The following JADE2 variants were observed in gnomAD, a reference collection of about 807,000 sequenced individuals.
JADE2 encodes the protein E3 ubiquitin-protein ligase Jade-2.
In JADE2, 13 loss-of-function variants were observed where a neutral mutation model predicts 85.7. That is an observed-to-expected ratio of 0.15 (90% CI 0.10 to 0.24). The LOEUF (loss-of-function observed/expected upper bound fraction) is 0.24, where lower values mean the gene tolerates loss of function less well. JADE2 is among the 10% of genes least tolerant of loss of function. The pLI is 1.00. For missense variants in JADE2, 846 were observed against 1,115.9 expected, an observed-to-expected ratio of 0.76 and a Z score of 3.45; for synonymous variants, 440 against 456.1, an observed-to-expected ratio of 0.96 and a Z score of 0.45.
intron 4 of JADE2, among the ~76,000 whole-genome samples, chr5:134,557,509 T>C (rs1763053704): frequency 8.1e-6 from 1 of 123,888 alleles, no homozygotes; most frequent in African/African-American, 3.0e-5. Context: ...TAGGTATATC[T>C]CCCAATGCTA....
intron 9 of JADE2, among the ~76,000 whole-genome samples, chr5:134,567,353 C>A (rs1222663258): frequency 6.6e-6 from 1 of 152,158 alleles, no homozygotes; most frequent in Non-Finnish European, 1.5e-5. Context: ...TGGCTGAAAA[C>A]CACCCCCAGC....
chr5:134,561,739 C>T (rs986280714), intron 6 of JADE2, among the ~76,000 whole-genome samples: 1 of 152,316 alleles, frequency 6.6e-6, no homozygotes, highest in African/African-American at 2.4e-5. Context: ...CCCTTATACC[C>T]AGCAGCTCTT....
intron 3 of JADE2, among the ~76,000 whole-genome samples, chr5:134,542,996 G>C (rs1762063847): frequency 6.6e-6 from 1 of 151,666 alleles, no homozygotes. Context: ...GGAAGTGCTG[G>C]GATTACAGGC....
Position 134,578,303 on chromosome 5 carries a change from C to T in JADE2, c.1682-191C>T, listed in dbSNP as rs867195047. Among the ~76,000 whole-genome samples, 2 of 152,164 alleles carry T rather than the reference C, an allele frequency of 1.3e-5. No homozygotes were observed. The highest frequency in any genetic ancestry group is 4.8e-5 in the African/African-American group (2 of 41,448). On this transcript the variant is annotated intron_variant, in intron 11 of 11. Coordinates refer to ENST00000681547, the MANE Select transcript of JADE2 (RefSeq NM_001388185.1). This position sits in a 1 kb window ranked among gnomAD's most constrained non-coding sequence, Gnocchi z 4.4. ...GGCAGCACGTCCTTCTGGAGAGAAG[C>T]GTATAAGTAGTCCCTACTCTTTGGT... is the stretch of plus-strand genomic sequence containing the variant.
At chr5:134,545,579 G>T (rs1217549457) in intron 3 of JADE2, among the ~76,000 whole-genome samples, 3 of 152,078 alleles carry the variant, frequency 2.0e-5, no homozygotes, top group Non-Finnish European at 4.4e-5. Context: ...GCCCAGAAAA[G>T]ATTTTTTAAA....
chr5:134,549,949 C>A (rs895163685), intron 3 of JADE2, among the ~76,000 whole-genome samples: 1 of 152,208 alleles, frequency 6.6e-6, no homozygotes, highest in Non-Finnish European at 1.5e-5. Context: ...GGGAAATAAC[C>A]CAGCCCCAGC....
chr5:134,546,098 G>GATTC (rs577759322), intron 3 of JADE2, among the ~76,000 whole-genome samples: 7 of 152,262 alleles, frequency 4.6e-5, no homozygotes, highest in Admixed American at 1.3e-4. Context: ...CAAATCCTGG[G>GATTC]ATTCATTCAT....
chr5:134,541,627 G>A (rs1761966955), intron 3 of JADE2, among the ~76,000 whole-genome samples: 4 of 152,210 alleles, frequency 2.6e-5, no homozygotes, highest in Admixed American at 1.3e-4. Context: ...TGTGTGTGCT[G>A]TGGAAAGCCC....
chr5:134,579,384 G>A lies in JADE2; in HGVS notation c.*67G>A. On this transcript the variant is annotated 3_prime_UTR_variant, in exon 12 of 12. Transcript: ENST00000681547. The surrounding 1 kb of genome is among the most constrained non-coding windows in gnomAD (Gnocchi z 4.6). ...ACAAGGCCTCAGCCCAGTCACAACT[G>A]CCATTTCCAGTCTCTGCTGAGTGTC... The A allele has an allele frequency of 1.6e-6, 2 of 1,264,738 alleles. No individual in the cohort carries two copies. The highest frequency in any genetic ancestry group is 2.2e-6 in the Non-Finnish European group (2 of 929,904). The allele number at this position is 1,264,738 out of a possible 1,614,324, so 78.3% of individuals were successfully genotyped here.
rs1391024640 is a variant in JADE2, at chr5:134,578,827, C to A, written c.2015C>A (p.Thr672Asn). The part of the protein sequence containing the change: ...RTTPDKAPKK[T>N]WGQDAGSGKG... ...ACTCCAGACAAAGCCCCCAAGAAGA[C>A]CTGGGGCCAGGATGCAGGCAGTGGC... is the stretch of plus-strand genomic sequence containing the variant. The change falls in exon 12 of 12, where the codon ACC (threonine) becomes AAC (asparagine). Residue 672 changes from threonine to asparagine, a missense_variant. This residue lies in a region of JADE2 where 300 missense variants were observed against 300.7 expected (regional missense o/e 1.00). Coordinates refer to ENST00000681547, the MANE Select transcript of JADE2 (RefSeq NM_001388185.1). This position sits in a 1 kb window ranked among gnomAD's most constrained non-coding sequence, Gnocchi z 4.4. 4 of 1,613,678 alleles carry A rather than the reference C, an allele frequency of 2.5e-6. No homozygotes were observed. The highest frequency in any genetic ancestry group is 3.4e-6 in the Non-Finnish European group (4 of 1,180,020).
intron 4 of JADE2, among the ~76,000 whole-genome samples, chr5:134,557,627 G>T: frequency 1.9e-5 from 2 of 105,080 alleles, no homozygotes; most frequent in Admixed American, 1.1e-4. Flanking sequence ...GAGAATATGC[G>T]GTGTTTGGTT....
At chr5:134,568,052 C>T (rs1420798148) in intron 9 of JADE2, among the ~76,000 whole-genome samples, 1 of 152,232 alleles carries the variant, frequency 6.6e-6, no homozygotes, top group East Asian at 1.9e-4. Context: ...AGTGGAAACA[C>T]CTGCTTTTAC....
At chr5:134,527,964 A>C (rs1162041453) in intron 1 of JADE2, among the ~76,000 whole-genome samples, 2 of 152,064 alleles carry the variant, frequency 1.3e-5, no homozygotes, top group African/African-American at 2.4e-5. Flanking sequence ...CCCGAGGCAC[A>C]AAGTTGTATC....
At chr5:134,556,246 A>T (rs1046351570) in intron 4 of JADE2, among the ~76,000 whole-genome samples, 1 of 152,210 alleles carries the variant, frequency 6.6e-6, no homozygotes, top group African/African-American at 2.4e-5. Context: ...CAGGCTCCGA[A>T]GCAATAACCA....
intron 3 of JADE2, among the ~76,000 whole-genome samples, chr5:134,546,854 A>G (rs1049291526): frequency 2.6e-5 from 4 of 152,200 alleles, no homozygotes; most frequent in African/African-American, 9.7e-5. Context: ...TTAAGTAACT[A>G]AATTTCCTCT....
chr5:134,573,779 C>T lies in JADE2; in HGVS notation c.1552+17C>T. The stretch of plus-strand genomic sequence containing the variant: ...TGTGTCGAGGTAGGCGCCTTCCCCA[C>T]CTGCCGCCGCCACCTCCCTGTGCCC... On this transcript the variant is annotated intron_variant, in intron 10 of 11. Coordinates refer to ENST00000681547, the MANE Select transcript of JADE2 (RefSeq NM_001388185.1). 1 of 1,449,464 alleles carries T rather than the reference C, an allele frequency of 6.9e-7. No homozygotes were observed. The highest frequency in any genetic ancestry group is 9.7e-7 in the Non-Finnish European group (1 of 1,029,348). 89.8% of individuals were successfully genotyped at this position (1,449,464 alleles called of 1,614,324 possible).
chr5:134,566,702 C>A lies in JADE2; in HGVS notation c.1434+122C>A. On this transcript the variant is annotated intron_variant, in intron 9 of 11. Coordinates refer to ENST00000681547, the MANE Select transcript of JADE2 (RefSeq NM_001388185.1). This position sits in a 1 kb window ranked among gnomAD's most constrained non-coding sequence, Gnocchi z 6.7. ...GACTCAAACTGTGAGCTCTGGTGGA[C>A]CGGCCCTGCTGCAGGAGCCTGCCAA... 1.3e-6 allele frequency: 1 copy of A among 765,916 alleles called. No individual in the cohort carries two copies. The highest frequency in any genetic ancestry group is 2.1e-6 in the Non-Finnish European group (1 of 486,822). 47.4% of individuals were successfully genotyped at this position (765,916 alleles called of 1,614,324 possible). A position where few individuals can be genotyped will look rare whatever the true frequency, so the allele number is the denominator to read the frequency against.
chr5:134,557,630 G>T, intron 4 of JADE2, among the ~76,000 whole-genome samples: 1 of 105,086 alleles, frequency 9.5e-6, no homozygotes, highest in South Asian at 3.8e-4. Flanking sequence ...AATATGCGGT[G>T]TTTGGTTTTT....
intron 1 of JADE2, among the ~76,000 whole-genome samples, chr5:134,534,451 C>T (rs900533993): frequency 6.6e-6 from 1 of 152,114 alleles, no homozygotes. Flanking sequence ...ATGAGCCTTC[C>T]TGCCATCCTG....
Sources: allele counts gnomAD v4.1 joint callset (sites outside exome capture counted in the v4.1 genomes callset), GRCh38; gene constraint gnomAD v4.1.1; regional missense constraint gnomAD v4.1.1; non-coding constraint Gnocchi (gnomAD v3.1); transcripts MANE v1.5; gene names NCBI Gene and HGNC (gene_info 2026-07-23, HGNC 2026-07-21).